BMP5: variants seen among roughly 807,000 people sequenced by gnomAD.
BMP5 encodes bone morphogenetic protein 5.
A neutral mutation model predicts 46.6 loss-of-function variants in BMP5; 23 were observed. The observed-to-expected ratio is 0.49, with a 90% CI of 0.35 to 0.70. BMP5 has a LOEUF of 0.70. Among genes scored for constraint, BMP5 ranks in the 30% least tolerant of loss-of-function variants. The pLI, the probability that BMP5 is intolerant of heterozygous loss-of-function variation, is 0.00. For missense variants in BMP5, 545 were observed against 565.6 expected (o/e 0.96, Z 0.37); for synonymous variants, 204 against 191.9 (o/e 1.06, Z -0.52).
intron 1 of BMP5, among the ~76,000 whole-genome samples, chr6:55,858,048 A>C (rs1777441200): frequency 6.6e-6 from 1 of 152,204 alleles, no homozygotes; most frequent in African/African-American, 2.4e-5. Flanking sequence ...AACACCTTTT[A>C]AACAGTGTTA....
At chr6:55,818,650 T>G (rs1776334168) in intron 2 of BMP5, among the ~76,000 whole-genome samples, 1 of 152,154 alleles carries the variant, frequency 6.6e-6, no homozygotes, top group Non-Finnish European at 1.5e-5. Context: ...CAGAAGCTTT[T>G]TAATTTTTTC....
chr6:55,848,361 A>G (rs2127548408), intron 1 of BMP5, among the ~76,000 whole-genome samples: 1 of 152,130 alleles, frequency 6.6e-6, no homozygotes, highest in African/African-American at 2.4e-5. Flanking sequence ...TTGATTCCCT[A>G]TCTTTTCCAT....
At chr6:55,806,311 T>C (rs1036984242) in intron 2 of BMP5, among the ~76,000 whole-genome samples, 2 of 152,204 alleles carry the variant, frequency 1.3e-5, no homozygotes, top group African/African-American at 4.8e-5. Flanking sequence ...CTCAACACCA[T>C]TTATTAAATA....
At chr6:55,772,776 A>C in intron 4 of BMP5, 3 of 985,174 alleles carry the variant, frequency 3.0e-6, no homozygotes, top group Non-Finnish European at 3.6e-6. Flanking sequence ...ATTCAGTATA[A>C]TGCAATTCCA....
At chr6:55,763,016 C>G (rs1385902670) in intron 4 of BMP5, among the ~76,000 whole-genome samples, 1 of 151,974 alleles carries the variant, frequency 6.6e-6, no homozygotes, top group Admixed American at 6.6e-5. Flanking sequence ...TTCTTTTCCA[C>G]GCAAACATTT....
chr6:55,819,771 A>T lies in BMP5; in HGVS notation c.567T>A (p.His189Gln). 6.2e-7 allele frequency: 1 copy of T among 1,613,706 alleles called. No individual in the cohort carries two copies. Among genetic ancestry groups the T allele is most frequent in the Non-Finnish European group, 8.5e-7 (1 of 1,179,784 alleles). ...EFRFDLTQIP[H>Q]GEAVTAAEFR... ...ATTCAGCTGCTGTCACTGCCTCTCC[A>T]TGAGGAATTTGGGTAAGATCAAATC... Residue 189 changes from histidine to glutamine, a missense_variant, in exon 2 of 7, where the codon CAT becomes CAA. Physicochemically the swap from His to Gln is conservative, Grantham distance 24. Coordinates refer to ENST00000370830, the MANE Select transcript of BMP5 (RefSeq NM_021073.4).
At chr6:55,762,564 G>T (rs1224093399) in intron 4 of BMP5, among the ~76,000 whole-genome samples, 1 of 152,038 alleles carries the variant, frequency 6.6e-6, no homozygotes, top group East Asian at 1.9e-4. Flanking sequence ...TCTACATTCT[G>T]GTTCTTCTTC....
chr6:55,874,225 C>A, intron 1 of BMP5, 151 bp downstream of exon 1: 1 of 844,808 alleles, frequency 1.2e-6, no homozygotes, highest in Non-Finnish European at 1.8e-6. Context: ...TTGCCTAAGG[C>A]ATCAATGAAA....
At chr6:55,797,036 T>C (rs769526414) in intron 2 of BMP5, among the ~76,000 whole-genome samples, 23 of 152,226 alleles carry the variant, frequency 1.5e-4, no homozygotes, top group Non-Finnish European at 2.9e-4. Context: ...TCCTTTCTCC[T>C]TTCATATACG....
chr6:55,856,654 T>C (rs148266115), intron 1 of BMP5, among the ~76,000 whole-genome samples: 1 of 152,222 alleles, frequency 6.6e-6, no homozygotes, highest in African/African-American at 2.4e-5. Context: ...GTGTTGAACA[T>C]TTTCTTACAT....
intron 2 of BMP5, among the ~76,000 whole-genome samples, chr6:55,810,830 T>TTAGA (rs1554183061): frequency 4.6e-5 from 7 of 152,172 alleles, no homozygotes; most frequent in Non-Finnish European, 8.8e-5. Flanking sequence ...TTAGAAGGTT[T>TTAGA]AGCAGCATTC....
intron 4 of BMP5, among the ~76,000 whole-genome samples, chr6:55,768,332 A>G (rs536440184): frequency 6.6e-6 from 1 of 152,060 alleles, no homozygotes; most frequent in Admixed American, 6.6e-5. Context: ...TGATGGTTTG[A>G]AAGCAATACA....
chr6:55,796,776 T>TTACTGAGAATGA (rs1775723835), intron 2 of BMP5, among the ~76,000 whole-genome samples: 1 of 151,806 alleles, frequency 6.6e-6, no homozygotes, highest in Non-Finnish European at 1.5e-5. Context: ...TTGCGATAGT[T>TTACTGAGAATGA]TACTGAGAAT....
chr6:55,837,052 C>T (rs1776812480), intron 1 of BMP5, among the ~76,000 whole-genome samples: 3 of 143,964 alleles, frequency 2.1e-5, no homozygotes, highest in Non-Finnish European at 3.1e-5. Flanking sequence ...TTTAAAGTAA[C>T]TTTTTTTTTT....
chr6:55,767,912 T>G (rs538771909), intron 4 of BMP5, among the ~76,000 whole-genome samples: 2 of 152,126 alleles, frequency 1.3e-5, no homozygotes, highest in Non-Finnish European at 2.9e-5. Flanking sequence ...TTATAAAACC[T>G]GTAAAATATA....
At chr6:55,793,947 CCACCA>C (rs1418722514) in intron 3 of BMP5, among the ~76,000 whole-genome samples, 1 of 152,010 alleles carries the variant, frequency 6.6e-6, no homozygotes, top group Non-Finnish European at 1.5e-5. Flanking sequence ...AGTTGTGTAA[CCACCA>C]CAACTATATT....
intron 2 of BMP5, among the ~76,000 whole-genome samples, chr6:55,806,128 C>T (rs950195154): frequency 6.6e-6 from 1 of 152,146 alleles, no homozygotes; most frequent in Non-Finnish European, 1.5e-5. Context: ...GCATTTTCAT[C>T]ATAAAGTATT....
chr6:55,814,720 C>T (rs114208989), intron 2 of BMP5, among the ~76,000 whole-genome samples: 2,134 of 152,246 alleles, frequency 0.014, 67 homozygotes, highest in African/African-American at 0.049. Context: ...TAACACGGCA[C>T]AGAATTGCAT....
intron 2 of BMP5, among the ~76,000 whole-genome samples, chr6:55,811,325 CACAATGGAGT>C (rs1386231211): frequency 6.6e-6 from 1 of 152,098 alleles, no homozygotes; most frequent in Non-Finnish European, 1.5e-5. Flanking sequence ...AAAATGTTTT[CACAATGGAGT>C]ACAGAAATTT....
Sources: allele counts gnomAD v4.1 joint callset (sites outside exome capture counted in the v4.1 genomes callset), GRCh38; gene constraint gnomAD v4.1.1; transcripts MANE v1.5; gene names NCBI Gene and HGNC (gene_info 2026-07-23, HGNC 2026-07-21).